Variants in PIK3CB observed in about 807,000 individuals in gnomAD.
The protein encoded by PIK3CB is phosphatidylinositol 4,5-bisphosphate 3-kinase catalytic subunit beta isoform.
A neutral mutation model predicts 136.8 loss-of-function variants in PIK3CB; 39 were observed. The ratio of observed to expected loss-of-function variants is 0.29; its 90% CI spans 0.22 to 0.37. PIK3CB has a LOEUF of 0.37. PIK3CB is among the 10% of genes least tolerant of loss of function. The pLI is 1.00. For synonymous variants in PIK3CB, 428 were observed against 436.6 expected, an observed-to-expected ratio of 0.98 and a Z score of 0.25; for missense variants, 868 against 1,275.4, an observed-to-expected ratio of 0.68 and a Z score of 4.87.
At chr3:138,750,731 C>T (rs140650646) in intron 4 of PIK3CB, among the ~76,000 whole-genome samples, 1 of 152,348 alleles carries the variant, frequency 6.6e-6, no homozygotes, top group African/African-American at 2.4e-5. Flanking sequence ...CCCCAACTGG[C>T]TCTGCTAACT....
At chr3:138,739,163 A>G (rs1453047305) in intron 5 of PIK3CB, among the ~76,000 whole-genome samples, 1 of 152,060 alleles carries the variant, frequency 6.6e-6, no homozygotes, top group Non-Finnish European at 1.5e-5. Flanking sequence ...GAGACCCCAG[A>G]GGCCGTGCAC....
chr3:138,747,087 T>TAC (rs1559858903), intron 4 of PIK3CB, among the ~76,000 whole-genome samples: 7 of 82,210 alleles, frequency 8.5e-5, no homozygotes, highest in African/African-American at 3.0e-4. Context: ...TATATATATA[T>TAC]ATATATATAT....
At position 138,664,881 on chromosome 3, in the gene PIK3CB, G is replaced by A. The variant is rs142601068; in HGVS notation, c.2672+155C>T. Among the ~76,000 whole-genome samples the A allele has an allele frequency of 4.5e-3, 679 of 152,268 alleles. 3 individuals carry two copies. The highest frequency in any genetic ancestry group is 0.027 in the Middle Eastern group (8 of 294). ...ACATTCACCATTTACAAGACTTTAC[G>A]AAGGGCTATGTGTCATTTTGTTCTA... On this transcript the variant is annotated intron_variant, in intron 20 of 23. Transcript: ENST00000674063.
intron 6 of PIK3CB, among the ~76,000 whole-genome samples, chr3:138,735,957 T>TTC (rs146566627): frequency 2.1e-4 from 32 of 150,570 alleles, no homozygotes; most frequent in African/African-American, 5.8e-4. Flanking sequence ...ACACTGTATA[T>TTC]TCTCTCTCTC....
intron 19 of PIK3CB, among the ~76,000 whole-genome samples, chr3:138,667,239 T>C (rs909558994): frequency 1.4e-5 from 2 of 144,240 alleles, no homozygotes; most frequent in Admixed American, 1.4e-4. Flanking sequence ...AAGACTTCCA[T>C]GTGGAGGAAT....
chr3:138,814,939 C>T (rs550042412), intron 1 of PIK3CB, among the ~76,000 whole-genome samples: 1 of 151,824 alleles, frequency 6.6e-6, no homozygotes, highest in Non-Finnish European at 1.5e-5. Context: ...AGATCGAGAC[C>T]ATCCTGGCTA....
At chr3:138,706,580 C>T (rs973353643) in intron 11 of PIK3CB, among the ~76,000 whole-genome samples, 2 of 152,176 alleles carry the variant, frequency 1.3e-5, no homozygotes, top group Non-Finnish European at 1.5e-5. Flanking sequence ...CCTTTAAGGG[C>T]GTGAGATATT....
chr3:138,665,202 T>C lies in PIK3CB; in HGVS notation c.2506A>G (p.Met836Val). Reference sequence around the variant, plus strand: ...GTTGCTAAACAGCCATAAGGCAACATCCTGGAAGGAAAAAAATGGGCATAG... The same window carrying C: ...GTTGCTAAACAGCCATAAGGCAACACCCTGGAAGGAAAAAAATGGGCATAG... ...LWKEAGLDLRMLPYGCLATGD... is the reference protein window; with the variant it reads ...LWKEAGLDLRVLPYGCLATGD... The change falls in exon 20 of 24, where the codon ATG (methionine) becomes GTG (valine). Residue 836 changes from methionine to valine, a missense_variant and splice_region_variant. By Grantham distance (21) the Met-to-Val change is conservative. This residue lies in a region of PIK3CB where 165 missense variants were observed against 295.4 expected (regional missense o/e 0.56). Coordinates refer to ENST00000674063, the MANE Select transcript of PIK3CB (RefSeq NM_006219.3). The C allele has an allele frequency of 1.3e-6, 2 of 1,576,926 alleles. No homozygotes were observed. Among genetic ancestry groups the C allele is most frequent in the South Asian group, 2.4e-5 (2 of 83,858 alleles).
intron 1 of PIK3CB, among the ~76,000 whole-genome samples, chr3:138,804,092 G>A (rs2046204870): frequency 6.6e-6 from 1 of 152,148 alleles, no homozygotes; most frequent in South Asian, 2.1e-4. Context: ...GGGAGGCTGA[G>A]GCAGAAGGAT....
At chr3:138,718,003 CATGT>C (rs956526101) in intron 8 of PIK3CB, among the ~76,000 whole-genome samples, 1 of 152,176 alleles carries the variant, frequency 6.6e-6, no homozygotes, top group African/African-American at 2.4e-5. Flanking sequence ...CATTCGCATG[CATGT>C]GTCTTTATGC....
At chr3:138,825,765 C>T (rs561684402) in intron 1 of PIK3CB, 41 of 759,198 alleles carry the variant, frequency 5.4e-5, no homozygotes, top group East Asian at 3.7e-4. Flanking sequence ...TTCTCAAACC[C>T]GGAATGGTGG....
chr3:138,689,338 C>T (rs1409060057), intron 15 of PIK3CB, among the ~76,000 whole-genome samples: 1 of 152,258 alleles, frequency 6.6e-6, no homozygotes, highest in Non-Finnish European at 1.5e-5. Context: ...CCTCCCCTTC[C>T]CTCCCCTCCC....
chr3:138,716,316 T>C (rs385254), intron 8 of PIK3CB, among the ~76,000 whole-genome samples: 82,168 of 151,876 alleles, frequency 0.54, 23,395 homozygotes, highest in East Asian at 0.98. Flanking sequence ...TTTGCTCCTC[T>C]GCATTGGAAA....
At chr3:138,707,053 A>G (rs2044392996) in intron 11 of PIK3CB, 106 bp downstream of exon 11, 1 of 775,412 alleles carries the variant, frequency 1.3e-6, no homozygotes, top group East Asian at 2.5e-5. Context: ...CAAAGCTGTC[A>G]CTGTATGGGA....
intron 2 of PIK3CB, among the ~76,000 whole-genome samples, chr3:138,763,805 G>C (rs1197616674): frequency 6.6e-6 from 1 of 152,110 alleles, no homozygotes; most frequent in African/African-American, 2.4e-5. Flanking sequence ...AATGCATTAA[G>C]GTAGATACAA....
chr3:138,687,105 G>A (rs1318845209), intron 16 of PIK3CB, among the ~76,000 whole-genome samples: 1 of 151,992 alleles, frequency 6.6e-6, no homozygotes, highest in Non-Finnish European at 1.5e-5. Context: ...ACAGTGTCCT[G>A]AATACCCCAT....
chr3:138,667,252 C>T (rs1275763473), intron 19 of PIK3CB, among the ~76,000 whole-genome samples: 1 of 146,566 alleles, frequency 6.8e-6, no homozygotes, highest in African/African-American at 2.5e-5. Flanking sequence ...GGAGGAATGA[C>T]AGCAGGGCTG....
chr3:138,827,402 C>G (rs762681945), intron 1 of PIK3CB, among the ~76,000 whole-genome samples: 24 of 152,004 alleles, frequency 1.6e-4, no homozygotes, highest in Non-Finnish European at 2.6e-4. Context: ...AGCCTGTAAT[C>G]AGAGCACTTT....
In PIK3CB at chr3:138,691,101, C is replaced by T. The variant is rs572328255; in HGVS notation, c.1935G>A (p.Val645=). The T allele has an allele frequency of 6.2e-7, 1 of 1,612,974 alleles. No individual in the cohort carries two copies. The highest frequency in any genetic ancestry group is 1.1e-5 in the South Asian group (1 of 91,028). Residue 645 remains valine (V), a synonymous_variant, in exon 15 of 24, where the codon GTG becomes GTA. Coordinates refer to ENST00000674063, the MANE Select transcript of PIK3CB (RefSeq NM_006219.3). ...LSQYLLQLVQ[V]LKYEPFLDCA... ...AATCAAGAAAAGGCTCATATTTTAACACTTGCACCAGTTGTAAAAGATATT... is the reference window on the plus strand; with the variant it reads ...AATCAAGAAAAGGCTCATATTTTAATACTTGCACCAGTTGTAAAAGATATT...
Sources: gnomAD v4.1 joint callset for allele counts (sites outside exome capture counted in the v4.1 genomes callset) on GRCh38, gnomAD v4.1.1 for gene constraint, gnomAD v4.1.1 regional missense constraint, MANE v1.5 for transcripts, NCBI Gene and HGNC (gene_info 2026-07-23, HGNC 2026-07-21) for gene names.